The following STAC variants were observed in gnomAD, a reference collection of about 807,000 sequenced individuals.
STAC encodes SH3 and cysteine-rich domain-containing protein.
A neutral mutation model predicts 48.8 loss-of-function variants in STAC; 43 were observed. The observed-to-expected ratio is 0.88, with a 90% CI of 0.69 to 1.14. The LOEUF is 1.14. STAC is among the 50% of genes most tolerant of loss of function. The pLI, the probability that STAC is intolerant of heterozygous loss-of-function variation, is 0.00. For synonymous variants in STAC, 193 were observed against 179.5 expected (o/e 1.07, Z -0.60); for missense variants, 497 against 504.0 (o/e 0.99, Z 0.13).
intron 2 of STAC, among the ~76,000 whole-genome samples, chr3:36,453,243 G>A (rs1165437890): frequency 6.6e-6 from 1 of 152,254 alleles, no homozygotes; most frequent in Non-Finnish European, 1.5e-5. Flanking sequence ...CTACTTTGGC[G>A]GCACTTGAGG....
chr3:36,426,529 A>G (rs141734044), intron 1 of STAC, among the ~76,000 whole-genome samples: 182 of 152,380 alleles, frequency 1.2e-3, no homozygotes, highest in African/African-American at 4.3e-3. Context: ...TTTGAAATAC[A>G]CAAAGTATTC....
intron 1 of STAC, among the ~76,000 whole-genome samples, chr3:36,404,318 G>A (rs1700051544): frequency 6.6e-6 from 1 of 152,106 alleles, no homozygotes; most frequent in Non-Finnish European, 1.5e-5. Context: ...ATTCTTCTGA[G>A]GAAATTAATG....
intron 1 of STAC, among the ~76,000 whole-genome samples, chr3:36,418,113 C>G (rs1392861377): frequency 1.3e-5 from 2 of 151,854 alleles, no homozygotes; most frequent in Non-Finnish European, 2.9e-5. Flanking sequence ...TTTCAATAAA[C>G]TAGTTCTTTG....
At chr3:36,434,610 C>T (rs145531612) in intron 1 of STAC, among the ~76,000 whole-genome samples, 108 of 152,310 alleles carry the variant, frequency 7.1e-4, no homozygotes, top group African/African-American at 2.4e-3. Flanking sequence ...GATATGGTGA[C>T]TGTGCCTCCT....
chr3:36,393,369 T>C (rs1699791673), intron 1 of STAC, among the ~76,000 whole-genome samples: 1 of 152,088 alleles, frequency 6.6e-6, no homozygotes, highest in African/African-American at 2.4e-5. Flanking sequence ...TCTGAACCGG[T>C]GCTTCTGGAG....
chr3:36,453,829 G>T lies in STAC; in HGVS notation c.388+10189G>T, dbSNP rs575967055. Among the ~76,000 whole-genome samples, 5 of 152,306 alleles carry T rather than the reference G, an allele frequency of 3.3e-5. No homozygotes were observed. In the South Asian group the frequency reaches 1.0e-3, roughly 32 times the overall value. On this transcript the variant is annotated intron_variant, in intron 2 of 10. Coordinates refer to ENST00000273183, the MANE Select transcript of STAC (RefSeq NM_003149.3). ...TAGGGGATTGTAAACACACCGATCGGCACTCTGCATCTAGCTCAAGGTTTG... is the reference window on the plus strand; with the variant it reads ...TAGGGGATTGTAAACACACCGATCGTCACTCTGCATCTAGCTCAAGGTTTG...
intron 2 of STAC, among the ~76,000 whole-genome samples, chr3:36,444,847 C>A (rs546359898): frequency 6.6e-6 from 1 of 152,174 alleles, no homozygotes; most frequent in Admixed American, 6.5e-5. Flanking sequence ...CATCTCCATA[C>A]GGACTTAATG....
chr3:36,483,138 C>G (rs770740352), intron 3 of STAC, 46 bp downstream of exon 3: 1 of 1,433,088 alleles, frequency 7.0e-7, no homozygotes, highest in Admixed American at 1.7e-5. Flanking sequence ...TCTGCTAGGG[C>G]ACTTGCCTGC....
At chr3:36,385,212 A>C (rs745512784) in intron 1 of STAC, among the ~76,000 whole-genome samples, 2 of 152,102 alleles carry the variant, frequency 1.3e-5, no homozygotes, top group East Asian at 3.9e-4. Flanking sequence ...CTATACTTTT[A>C]AGTAACCAAC....
chr3:36,525,048 T>C (rs1422931438), intron 8 of STAC, among the ~76,000 whole-genome samples: 1 of 152,214 alleles, frequency 6.6e-6, no homozygotes, highest in Non-Finnish European at 1.5e-5. Flanking sequence ...ATATGTTTAT[T>C]ATTAGTATCT....
intron 10 of STAC, among the ~76,000 whole-genome samples, chr3:36,535,796 C>G (rs909908944): frequency 3.9e-4 from 59 of 152,158 alleles, no homozygotes; most frequent in African/African-American, 1.4e-3. Flanking sequence ...GTTGAACCAG[C>G]CTTGCATCCC....
intron 8 of STAC, among the ~76,000 whole-genome samples, chr3:36,517,213 G>A (rs1698695489): frequency 6.6e-6 from 1 of 152,176 alleles, no homozygotes; most frequent in Admixed American, 6.5e-5. Flanking sequence ...GTATAGCAGG[G>A]TGGTATAGTG....
chr3:36,466,645 C>G (rs1697179589), intron 2 of STAC, among the ~76,000 whole-genome samples: 1 of 151,990 alleles, frequency 6.6e-6, no homozygotes, highest in Non-Finnish European at 1.5e-5. Flanking sequence ...TGATTCTCAG[C>G]TTGGTCACTG....
At chr3:36,544,708 T>C (rs1699406394) in intron 10 of STAC, among the ~76,000 whole-genome samples, 1 of 152,124 alleles carries the variant, frequency 6.6e-6, no homozygotes, top group Admixed American at 6.5e-5. Context: ...ATGAAAAAAG[T>C]TGTAGGTCTC....
At chr3:36,473,211 A>C (rs1354416898) in intron 2 of STAC, among the ~76,000 whole-genome samples, 1 of 152,170 alleles carries the variant, frequency 6.6e-6, no homozygotes, top group East Asian at 1.9e-4. Context: ...GACCGGCTGC[A>C]TGATTCAATT....
intron 2 of STAC, among the ~76,000 whole-genome samples, chr3:36,475,822 CAG>C (rs1697478773): frequency 6.6e-6 from 1 of 152,218 alleles, no homozygotes; most frequent in African/African-American, 2.4e-5. Flanking sequence ...GTAGCAGAGA[CAG>C]AGAGAGTGGC....
chr3:36,391,659 A>G (rs1451117885), intron 1 of STAC, among the ~76,000 whole-genome samples: 1 of 152,180 alleles, frequency 6.6e-6, no homozygotes, highest in Non-Finnish European at 1.5e-5. Context: ...GTGTCAACCA[A>G]TCCGGAAAAC....
intron 2 of STAC, among the ~76,000 whole-genome samples, chr3:36,469,377 G>A (rs1030399079): frequency 1.4e-4 from 21 of 152,116 alleles, no homozygotes; most frequent in Non-Finnish European, 1.5e-5. Context: ...ATTACTGGCT[G>A]ATAATTGTTC....
intron 10 of STAC, among the ~76,000 whole-genome samples, chr3:36,542,267 G>T (rs1465590204): frequency 6.6e-6 from 1 of 152,154 alleles, no homozygotes; most frequent in South Asian, 2.1e-4. Context: ...AATGACTCAG[G>T]CAATGCTAAC....
Sources: gnomAD v4.1 joint callset for allele counts (sites outside exome capture counted in the v4.1 genomes callset) on GRCh38, gnomAD v4.1.1 for gene constraint, MANE v1.5 for transcripts, NCBI Gene and HGNC (gene_info 2026-07-23, HGNC 2026-07-21) for gene names.